The following TOX3 variants were observed in gnomAD, a reference collection of about 807,000 sequenced individuals.
TOX3 encodes CAG trinucleotide repeat-containing gene F9 protein.
Under a neutral mutation model 64.3 loss-of-function variants are expected in TOX3, and 22 were observed. The ratio of observed to expected loss-of-function variants is 0.34; its 90% confidence interval spans 0.24 to 0.49. The LOEUF is 0.49. TOX3 is among the 20% of genes least tolerant of loss of function. The probability of loss-of-function intolerance (pLI) is 0.99; values close to 1 mark genes in which losing one functional copy is unlikely to be tolerated. For missense variants in TOX3, 661 were observed against 714.4 expected (o/e 0.93, Z 0.85); for synonymous variants, 291 against 273.6 (o/e 1.06, Z -0.63).
At chr16:52,509,260 A>G (rs1962239608) in intron 1 of TOX3, among the ~76,000 whole-genome samples, 1 of 152,212 alleles carries the variant, frequency 6.6e-6, no homozygotes, top group Admixed American at 6.5e-5. Context: ...ACAGTGCTAT[A>G]ATAAGGTATC....
intron 3 of TOX3, among the ~76,000 whole-genome samples, chr16:52,456,721 C>T (rs1232928582): frequency 6.6e-6 from 1 of 152,160 alleles, no homozygotes; most frequent in African/African-American, 2.4e-5. Context: ...AATAAGGAAA[C>T]TTTAGATCAC....
chr16:52,506,204 AC>A (rs45613934), intron 1 of TOX3, among the ~76,000 whole-genome samples: 1 of 152,304 alleles, frequency 6.6e-6, no homozygotes, highest in Non-Finnish European at 1.5e-5. Context: ...TGCACAAAGC[AC>A]CTCTCAGGTT....
rs752653368 is a variant in TOX3, at chr16:52,450,462, G to A, written c.493C>T (p.Arg165Cys). 1.4e-5 allele frequency: 23 copies of A among 1,613,904 alleles called. No individual in the cohort carries two copies. The highest frequency in any genetic ancestry group is 3.3e-5 in the Admixed American group (2 of 59,990). ...TGGGCAGGAGGCATGACCCCAGAAC[G>A]CGCAGCATCGGTCATGTGGACGATG... ...RSIVHMTDAA[R>C]SGVMPPAQLT... Residue 165 changes from arginine (R) to cysteine (C), a missense_variant, in exon 4 of 7, where the codon CGT (arginine) becomes TGT (cysteine). Coordinates refer to ENST00000219746, the MANE Select transcript of TOX3 (RefSeq NM_001080430.4).
chr16:52,504,452 G>T (rs962641137), intron 1 of TOX3, among the ~76,000 whole-genome samples: 1 of 141,024 alleles, frequency 7.1e-6, no homozygotes, highest in Non-Finnish European at 1.5e-5. Context: ...AGGTGATAGA[G>T]CGAGACTCCG....
At chr16:52,446,377 G>T (rs1960164219) in intron 4 of TOX3, among the ~76,000 whole-genome samples, 156 bp from the exon 5 acceptor site, 1 of 152,194 alleles carries the variant, frequency 6.6e-6, no homozygotes, top group African/African-American at 2.4e-5. Flanking sequence ...CTTGCTTGGA[G>T]TTAACTAGAC....
chr16:52,485,167 A>G (rs1264381885), intron 1 of TOX3, among the ~76,000 whole-genome samples: 6 of 148,140 alleles, frequency 4.1e-5, no homozygotes, highest in African/African-American at 1.5e-4. Context: ...ATATACATGT[A>G]TGTATATATG....
chr16:52,496,311 T>C (rs1961848770), intron 1 of TOX3, among the ~76,000 whole-genome samples: 15 of 152,204 alleles, frequency 9.9e-5, no homozygotes, highest in Admixed American at 9.8e-4. Context: ...GTAATAATTT[T>C]TGATTGGCAT....
chr16:52,463,791 G>A (rs1322279599), intron 3 of TOX3, 143 bp downstream of exon 3: 19 of 993,618 alleles, frequency 1.9e-5, no homozygotes, highest in East Asian at 3.1e-5. Context: ...ACCAGGCAGC[G>A]ATCCAGTACC....
chr16:52,475,106 T>C (rs1961170176), intron 1 of TOX3, among the ~76,000 whole-genome samples: 1 of 152,166 alleles, frequency 6.6e-6, no homozygotes, highest in Non-Finnish European at 1.5e-5. Context: ...CAACACTCTC[T>C]ATCCCTCTTC....
chr16:52,524,467 A>T (rs1266514882), intron 1 of TOX3, among the ~76,000 whole-genome samples: 1 of 152,236 alleles, frequency 6.6e-6, no homozygotes, highest in Non-Finnish European at 1.5e-5. Flanking sequence ...AATGCAAATG[A>T]TTTCCAATCA....
chr16:52,477,132 C>G (rs1961230169), intron 1 of TOX3, among the ~76,000 whole-genome samples: 1 of 151,990 alleles, frequency 6.6e-6, no homozygotes, highest in African/African-American at 2.4e-5. Flanking sequence ...AGAAAGAAGG[C>G]AGACAGAGGG....
At position 52,546,896 on chromosome 16, in the gene TOX3, G is replaced by A. The variant is rs1223953772; in HGVS notation, c.-173C>T. On this transcript the variant is annotated 5_prime_UTR_variant, in exon 1 of 7. Coordinates refer to ENST00000219746, the MANE Select transcript of TOX3 (RefSeq NM_001080430.4). ...GAGGAGCTCGGGAGCCGCGGCCGCC[G>A]CACACAAAGGCGCGGCCACGCGAGC... 12 of 1,136,728 alleles carry A rather than the reference G, an allele frequency of 1.1e-5. 1 individual carries two copies. In the South Asian group the frequency reaches 4.0e-4, roughly 38 times the overall value. 70.4% of individuals were successfully genotyped at this position (1,136,728 alleles called of 1,614,324 possible). A position where few individuals can be genotyped will look rare whatever the true frequency, so the allele number is the denominator to read the frequency against.
At chr16:52,444,450 A>T in intron 5 of TOX3, 94 bp from the exon 6 acceptor site, 1 of 1,103,960 alleles carries the variant, frequency 9.1e-7, no homozygotes, top group South Asian at 1.7e-5. Context: ...AACACAACTC[A>T]CATAAAAAGG....
intron 2 of TOX3, among the ~76,000 whole-genome samples, chr16:52,465,002 A>ATTTT (rs1340719697): frequency 2.1e-4 from 13 of 60,962 alleles, no homozygotes; most frequent in African/African-American, 6.8e-4. Flanking sequence ...GTCTTAATGC[A>ATTTT]TTCTTTTTTT....
chr16:52,511,210 C>T (rs1248257605), intron 1 of TOX3, among the ~76,000 whole-genome samples: 1 of 152,054 alleles, frequency 6.6e-6, no homozygotes, highest in African/African-American at 2.4e-5. Flanking sequence ...AACAGTAAGG[C>T]TGGCTGGGCA....
At chr16:52,464,518 G>A (rs1031856273) in intron 2 of TOX3, among the ~76,000 whole-genome samples, 2 of 152,152 alleles carry the variant, frequency 1.3e-5, no homozygotes, top group African/African-American at 4.8e-5. Flanking sequence ...TAGTGAAACA[G>A]CTCAAACCGC....
At chr16:52,545,947 G>A (rs1314472287) in intron 1 of TOX3, among the ~76,000 whole-genome samples, 3 of 152,136 alleles carry the variant, frequency 2.0e-5, no homozygotes, top group African/African-American at 7.2e-5. Flanking sequence ...GGTGTGGTGT[G>A]GAGGTCTCCA....
At chr16:52,463,905 A>T in intron 3 of TOX3, 29 bp downstream of exon 3, 1 of 1,483,178 alleles carries the variant, frequency 6.7e-7, no homozygotes, top group Non-Finnish European at 9.0e-7. Flanking sequence ...ATGATAAAAA[A>T]TAATTTAAGT....
At chr16:52,497,516 A>G (rs1042813285) in intron 1 of TOX3, among the ~76,000 whole-genome samples, 1 of 152,236 alleles carries the variant, frequency 6.6e-6, no homozygotes, top group Admixed American at 6.5e-5. Flanking sequence ...AAGGCTGCAG[A>G]AAATGGTATT....
Sources: gnomAD v4.1 joint callset for allele counts (sites outside exome capture counted in the v4.1 genomes callset) on GRCh38, gnomAD v4.1.1 for gene constraint, MANE v1.5 for transcripts, NCBI Gene and HGNC (gene_info 2026-07-23, HGNC 2026-07-21) for gene names.